Variants in ESR1 observed in about 807,000 individuals in gnomAD.
ESR1 encodes estrogen receptor.
ESR1 carries 12 observed loss-of-function variants against 52.7 expected under a neutral mutation model. The observed-to-expected ratio is 0.23, with a 90% CI of 0.15 to 0.37. The LOEUF is 0.37. Among genes scored for constraint, ESR1 ranks in the 10% least tolerant of loss-of-function variants. The pLI is 1.00. For missense variants in ESR1, 584 were observed against 779.7 expected, an observed-to-expected ratio of 0.75 and a Z score of 2.99; for synonymous variants, 305 against 316.8, an observed-to-expected ratio of 0.96 and a Z score of 0.39.
intron 1 of ESR1, among the ~76,000 whole-genome samples, chr6:151,658,284 G>A (rs936778084): frequency 6.6e-6 from 1 of 152,112 alleles, no homozygotes; most frequent in Admixed American, 6.5e-5. Flanking sequence ...GACCTTTTCC[G>A]TATCTCTAAA....
At chr6:151,948,438 A>G (rs765883186) in intron 4 of ESR1, among the ~76,000 whole-genome samples, 1 of 152,166 alleles carries the variant, frequency 6.6e-6, no homozygotes, top group Non-Finnish European at 1.5e-5. Flanking sequence ...CAGCCTCATG[A>G]ACTGCTGCTG....
At chr6:152,016,860 A>G (rs191656509) in intron 5 of ESR1, among the ~76,000 whole-genome samples, 5 of 152,242 alleles carry the variant, frequency 3.3e-5, no homozygotes, top group Admixed American at 2.6e-4. Context: ...AACTGTCTCC[A>G]TAGGCTGTTT....
At chr6:151,694,862 C>A (rs1779214649) in intron 1 of ESR1, among the ~76,000 whole-genome samples, 1 of 151,828 alleles carries the variant, frequency 6.6e-6, no homozygotes. Flanking sequence ...GTAAAATCTT[C>A]CCACTAAGTG....
At chr6:151,757,612 A>G (rs1193873115) in intron 2 of ESR1, among the ~76,000 whole-genome samples, 1 of 152,186 alleles carries the variant, frequency 6.6e-6, no homozygotes, top group African/African-American at 2.4e-5. Context: ...ATGCATGTTT[A>G]TTATTACTGT....
intron 2 of ESR1, among the ~76,000 whole-genome samples, chr6:151,865,043 A>C (rs111955077): frequency 4.0e-5 from 6 of 151,836 alleles, no homozygotes; most frequent in Non-Finnish European, 8.8e-5. Flanking sequence ...CATATGTAAC[A>C]AACCTGCACA....
At chr6:151,703,018 G>C (rs532666107) in intron 2 of ESR1, among the ~76,000 whole-genome samples, 2 of 152,292 alleles carry the variant, frequency 1.3e-5, no homozygotes, top group Non-Finnish European at 2.9e-5. Flanking sequence ...TGCCCAAATT[G>C]CAAGGGAGGG....
intron 5 of ESR1, among the ~76,000 whole-genome samples, chr6:152,035,486 A>G (rs1316950404): frequency 2.0e-5 from 3 of 152,080 alleles, no homozygotes; most frequent in Admixed American, 6.6e-5. Flanking sequence ...AAGATTCACT[A>G]TTGAAAATAC....
At chr6:151,838,026 C>T (rs1783659423) in intron 1 of ESR1, among the ~76,000 whole-genome samples, 1 of 151,972 alleles carries the variant, frequency 6.6e-6, no homozygotes, top group South Asian at 2.1e-4. Context: ...TATAGACAGG[C>T]TCTCACTCTG....
At chr6:151,952,856 T>C (rs1442878273) in intron 4 of ESR1, among the ~76,000 whole-genome samples, 1 of 152,230 alleles carries the variant, frequency 6.6e-6, no homozygotes, top group Non-Finnish European at 1.5e-5. Context: ...GCAATGAACT[T>C]GTTCTTTAAA....
At chr6:151,938,156 A>C (rs895458345) in intron 3 of ESR1, among the ~76,000 whole-genome samples, 1 of 152,248 alleles carries the variant, frequency 6.6e-6, no homozygotes, top group African/African-American at 2.4e-5. Flanking sequence ...CTAATAATAC[A>C]TGAACGTAGT....
chr6:151,674,656 G>T (rs1205105781), intron 1 of ESR1, among the ~76,000 whole-genome samples: 1 of 152,174 alleles, frequency 6.6e-6, no homozygotes, highest in Non-Finnish European at 1.5e-5. Flanking sequence ...CAGTATAAAA[G>T]TGTTCCTATT....
chr6:152,082,686 G>A lies in ESR1; in HGVS notation c.1370-11699G>A, dbSNP rs150619174. ...GGAAGTCAAATTGTCTCTGTTTGCA[G>A]ATGACACGATTGTATATTTAGAAAA... is the stretch of plus-strand genomic sequence containing the variant. On this transcript the variant is annotated intron_variant, in intron 6 of 7. Coordinates refer to ENST00000206249, the MANE Select transcript of ESR1 (RefSeq NM_000125.4). 2.5e-3 allele frequency among the ~76,000 whole-genome samples: 381 copies of A among 152,310 alleles called. 4 individuals carry two copies. Among genetic ancestry groups the A allele is most frequent in the African/African-American group, 8.8e-3 (367 of 41,568 alleles).
intron 2 of ESR1, among the ~76,000 whole-genome samples, chr6:151,788,164 T>C (rs57241081): frequency 6.9e-4 from 105 of 152,084 alleles, no homozygotes; most frequent in African/African-American, 2.5e-3. Flanking sequence ...ATCAACAGAG[T>C]AAACAGACAA....
Position 151,808,276 on chromosome 6 carries a change from C to T in ESR1, c.364C>T (p.Gln122Ter), listed in dbSNP as rs2128156996. The T allele has an allele frequency of 6.3e-7, 1 of 1,586,594 alleles. No individual in the cohort carries two copies. Among genetic ancestry groups the T allele is most frequent in the African/African-American group, 1.3e-5 (1 of 74,670 alleles). The change falls in exon 1 of 8, where the codon CAG (glutamine) becomes TAG (stop). Residue 122 changes from glutamine to a stop codon, truncating the protein, a stop_gained. Coordinates refer to ENST00000206249, the MANE Select transcript of ESR1 (RefSeq NM_000125.4). LOFTEE classifies it high-confidence loss of function. ...GCCGCCGCAGCTGTCGCCTTTCCTGCAGCCCCACGGCCAGCAGGTGCCCTA... is the reference window on the plus strand; with the variant it reads ...GCCGCCGCAGCTGTCGCCTTTCCTGTAGCCCCACGGCCAGCAGGTGCCCTA... The part of the protein sequence containing the change: ...HPPPQLSPFL[Q>*]PHGQQVPYYL...
intron 2 of ESR1, among the ~76,000 whole-genome samples, chr6:151,857,197 T>C (rs188363844): frequency 6.6e-6 from 1 of 152,180 alleles, no homozygotes; most frequent in Non-Finnish European, 1.5e-5. Context: ...TGGTAGTGTC[T>C]GTGCTGAACA....
chr6:151,732,156 G>A (rs1782294378), intron 2 of ESR1, among the ~76,000 whole-genome samples: 1 of 152,174 alleles, frequency 6.6e-6, no homozygotes, highest in African/African-American at 2.4e-5. Flanking sequence ...AGAAAGCCAT[G>A]CTTCTTTTCT....
At chr6:151,991,662 G>A (rs1160822779) in intron 4 of ESR1, among the ~76,000 whole-genome samples, 2 of 152,150 alleles carry the variant, frequency 1.3e-5, no homozygotes, top group Admixed American at 6.5e-5. Context: ...TCAATGGCAT[G>A]AGGAGCAGGG....
chr6:151,918,611 A>T (rs2030895204), intron 3 of ESR1, among the ~76,000 whole-genome samples: 1 of 152,256 alleles, frequency 6.6e-6, no homozygotes, highest in Non-Finnish European at 1.5e-5. Flanking sequence ...GGACAGAAGC[A>T]GTTAGTAAAC....
chr6:151,884,016 A>G (rs1432698671), intron 3 of ESR1, among the ~76,000 whole-genome samples: 1 of 152,178 alleles, frequency 6.6e-6, no homozygotes, highest in Non-Finnish European at 1.5e-5. Flanking sequence ...ATGAGTTTTA[A>G]GGGTACACAA....
Sources: allele counts gnomAD v4.1 joint callset (sites outside exome capture counted in the v4.1 genomes callset), GRCh38; gene constraint gnomAD v4.1.1; transcripts MANE v1.5; gene names NCBI Gene and HGNC (gene_info 2026-07-23, HGNC 2026-07-21).